XRRA1: variants seen among roughly 807,000 people sequenced by gnomAD.
XRRA1 encodes the protein X-ray radiation resistance associated 1.
Under a neutral mutation model 80.2 loss-of-function variants are expected in XRRA1, and 69 were observed. The ratio of observed to expected loss-of-function variants is 0.86; its 90% CI spans 0.71 to 1.05. The LOEUF (loss-of-function observed/expected upper bound fraction) is 1.05. XRRA1 is among the 50% of genes least tolerant of loss of function. The pLI, the probability that XRRA1 is intolerant of heterozygous loss-of-function variation, is 0.00. For missense variants in XRRA1, 967 were observed against 976.4 expected (o/e 0.99, Z 0.13); for synonymous variants, 348 against 389.9 (o/e 0.89, Z 1.27).
At chr11:74,880,990 G>C (rs1018893055) in intron 10 of XRRA1, among the ~76,000 whole-genome samples, 1 of 146,678 alleles carries the variant, frequency 6.8e-6, no homozygotes, top group Non-Finnish European at 1.5e-5. Flanking sequence ...GCTTGGTGCA[G>C]AGCTGAGTTC....
intron 10 of XRRA1, among the ~76,000 whole-genome samples, chr11:74,887,572 G>A (rs1202303757): frequency 6.6e-6 from 1 of 152,174 alleles, no homozygotes; most frequent in Non-Finnish European, 1.5e-5. Context: ...TCGGAAAGTG[G>A]GTGCAGGACA....
At chr11:74,929,344 G>A (rs1049022994) in intron 6 of XRRA1, among the ~76,000 whole-genome samples, 2 of 151,864 alleles carry the variant, frequency 1.3e-5, no homozygotes, top group Non-Finnish European at 2.9e-5. Flanking sequence ...CCTGGCTCAG[G>A]CCTCATCTCC....
At chr11:74,874,343 C>G (rs1277759022) in intron 10 of XRRA1, among the ~76,000 whole-genome samples, 1 of 151,556 alleles carries the variant, frequency 6.6e-6, no homozygotes, top group Non-Finnish European at 1.5e-5. Flanking sequence ...TTAAAACAAG[C>G]CTTACTTAAG....
intron 10 of XRRA1, among the ~76,000 whole-genome samples, chr11:74,879,897 G>C (rs973725514): frequency 1.3e-5 from 2 of 151,958 alleles, no homozygotes; most frequent in East Asian, 3.8e-4. Flanking sequence ...TTGCATCAAT[G>C]TTCATCAAAG....
At chr11:74,859,741 G>C (rs1348072943) in intron 11 of XRRA1, among the ~76,000 whole-genome samples, 1 of 152,028 alleles carries the variant, frequency 6.6e-6, no homozygotes, top group Non-Finnish European at 1.5e-5. Flanking sequence ...TTTGAGCCTT[G>C]AACACCTGCT....
At position 74,844,923 on chromosome 11, in the gene XRRA1, C is replaced by T. The variant is rs756531276; in HGVS notation, c.1927+150G>A. The T allele has an allele frequency of 8.0e-6, 6 of 747,970 alleles. 1 individual carries two copies. In the South Asian group the frequency reaches 1.1e-4, roughly 14 times the overall value. The allele number at this position is 747,970 out of a possible 1,614,324, so 46.3% of individuals were successfully genotyped here. A position where few individuals can be genotyped will look rare whatever the true frequency, so the allele number is the denominator to read the frequency against. On this transcript the variant is annotated intron_variant, in intron 16 of 18. Transcript: ENST00000684022. ...ATGTGGGGCTTCAAACAAAGGACAC[C>T]CTAAAAGGAGCCCTTTGACAGGTAT... is the stretch of plus-strand genomic sequence containing the variant.
chr11:74,863,706 A>C (rs1457305601), intron 10 of XRRA1: 3 of 152,230 alleles, frequency 2.0e-5, no homozygotes, highest in Non-Finnish European at 4.4e-5. Context: ...GTTAACCGAC[A>C]CCTTCTACAT....
intron 12 of XRRA1, among the ~76,000 whole-genome samples, chr11:74,857,299 C>T (rs1453982237): frequency 6.6e-6 from 1 of 151,492 alleles, no homozygotes; most frequent in East Asian, 1.9e-4. Flanking sequence ...AGTAAATGGA[C>T]AGAAAGAGAT....
chr11:74,945,448 C>T (rs1057492463), intron 1 of XRRA1, among the ~76,000 whole-genome samples: 11 of 152,188 alleles, frequency 7.2e-5, no homozygotes, highest in African/African-American at 2.4e-4. Context: ...AAGACACAGT[C>T]TGGGAAAAGA....
chr11:74,848,556 G>A, intron 14 of XRRA1, 94 bp from the exon 15 acceptor site: 1 of 1,177,112 alleles, frequency 8.5e-7, no homozygotes, highest in Non-Finnish European at 1.2e-6. Context: ...ATAGCAGCCG[G>A]AGTGCTGGGT....
At chr11:74,882,219 T>G (rs973425890) in intron 10 of XRRA1, among the ~76,000 whole-genome samples, 1 of 151,742 alleles carries the variant, frequency 6.6e-6, no homozygotes, top group Non-Finnish European at 1.5e-5. Context: ...CTTTTTATTC[T>G]TTTTTCTCTA....
chr11:74,851,610 G>A (rs1277112846), intron 13 of XRRA1, among the ~76,000 whole-genome samples: 1 of 152,192 alleles, frequency 6.6e-6, no homozygotes, highest in Non-Finnish European at 1.5e-5. Flanking sequence ...CTCTGCAACT[G>A]GGAATTGGGA....
At chr11:74,919,179 C>T (rs188555207) in intron 8 of XRRA1, among the ~76,000 whole-genome samples, 1,530 of 152,180 alleles carry the variant, frequency 0.01, 14 homozygotes, top group Middle Eastern at 0.024. Flanking sequence ...TTTAAGAGTG[C>T]TTACCTTTTA....
At chr11:74,877,792 TC>T (rs2046416857) in intron 10 of XRRA1, among the ~76,000 whole-genome samples, 1 of 152,148 alleles carries the variant, frequency 6.6e-6, no homozygotes, top group African/African-American at 2.4e-5. Flanking sequence ...GGACATGAAC[TC>T]ATCATTTTTT....
At chr11:74,873,105 GCAACT>G (rs2045247208) in intron 10 of XRRA1, among the ~76,000 whole-genome samples, 1 of 152,152 alleles carries the variant, frequency 6.6e-6, no homozygotes, top group African/African-American at 2.4e-5. Context: ...AGAAGGGTGA[GCAACT>G]CAAGGAAAAA....
intron 10 of XRRA1, among the ~76,000 whole-genome samples, chr11:74,901,452 T>C (rs143054957): frequency 1.6e-3 from 248 of 152,292 alleles, no homozygotes; most frequent in Non-Finnish European, 3.1e-3. Context: ...TTAAAATTTA[T>C]ATGGAACCAC....
chr11:74,941,400 T>C (rs188648440), intron 2 of XRRA1, among the ~76,000 whole-genome samples: 2 of 152,218 alleles, frequency 1.3e-5, no homozygotes, highest in African/African-American at 2.4e-5. Flanking sequence ...ACTGGATAAA[T>C]AGTATTTGAG....
Position 74,892,947 on chromosome 11 carries a change from C to T in XRRA1, c.1003+13292G>A, listed in dbSNP as rs1233716347. 2.6e-5 allele frequency among the ~76,000 whole-genome samples: 4 copies of T among 152,298 alleles called. No homozygotes were observed. The East Asian group carries it at 5.8e-4, about 22-fold the overall frequency. ...ATGTGGAGAAATAGGAACACTTTTA[C>T]ACTGTTGGTGGGACTGTAAACTAGT... On this transcript the variant is annotated intron_variant, in intron 10 of 18. Transcript: ENST00000684022.
intron 10 of XRRA1, among the ~76,000 whole-genome samples, chr11:74,883,232 C>T (rs183269960): frequency 0.021 from 3,209 of 151,598 alleles, 116 homozygotes; most frequent in African/African-American, 0.072. Context: ...TTTTTAAGCC[C>T]GTTGGAAAAG....
Sources: gnomAD v4.1 joint callset for allele counts (sites outside exome capture counted in the v4.1 genomes callset) on GRCh38, gnomAD v4.1.1 for gene constraint, MANE v1.5 for transcripts, NCBI Gene and HGNC (gene_info 2026-07-23, HGNC 2026-07-21) for gene names.